Variants in ATP8A2 observed in about 807,000 individuals in gnomAD.
The protein encoded by ATP8A2 is phospholipid-transporting ATPase IB.
A neutral mutation model predicts 165.6 loss-of-function variants in ATP8A2; 100 were observed. That is an observed-to-expected ratio of 0.60 (90% CI 0.51 to 0.71). The LOEUF (loss-of-function observed/expected upper bound fraction) is 0.71, where lower values mean the gene tolerates loss of function less well. Among genes scored for constraint, ATP8A2 ranks in the 30% least tolerant of loss-of-function variants. The probability of loss-of-function intolerance (pLI) is 0.00; values close to 1 mark genes in which losing one functional copy is unlikely to be tolerated. For synonymous variants in ATP8A2, 543 were observed against 548.8 expected (o/e 0.99, Z 0.15); for missense variants, 1,227 against 1,479.5 (o/e 0.83, Z 2.80).
At chr13:25,421,714 G>A (rs1197490569) in intron 1 of ATP8A2, among the ~76,000 whole-genome samples, 3 of 152,206 alleles carry the variant, frequency 2.0e-5, no homozygotes, top group African/African-American at 4.8e-5. Flanking sequence ...ACTTGTACAG[G>A]ACTGGAAGTA....
intron 7 of ATP8A2, among the ~76,000 whole-genome samples, chr13:25,539,527 G>A (rs1323925184): frequency 1.3e-5 from 2 of 152,066 alleles, no homozygotes; most frequent in African/African-American, 2.4e-5. Flanking sequence ...ACCTGTTGAG[G>A]AGGTTGTCCC....
intron 25 of ATP8A2, among the ~76,000 whole-genome samples, chr13:25,742,827 C>A (rs1319287275): frequency 6.6e-6 from 1 of 152,024 alleles, no homozygotes; most frequent in Non-Finnish European, 1.5e-5. Flanking sequence ...AGTTTGTCAC[C>A]CCTTCGAGTC....
chr13:25,868,796 C>T (rs1952595676), intron 33 of ATP8A2, among the ~76,000 whole-genome samples: 1 of 151,994 alleles, frequency 6.6e-6, no homozygotes, highest in South Asian at 2.1e-4. Flanking sequence ...GAACCAAAAA[C>T]AAAACTATAG....
intron 33 of ATP8A2, among the ~76,000 whole-genome samples, chr13:25,959,152 A>C (rs1303850024): frequency 6.6e-6 from 1 of 152,228 alleles, no homozygotes; most frequent in Non-Finnish European, 1.5e-5. Flanking sequence ...TGCAGGCAGG[A>C]CAACAGGAGC....
intron 33 of ATP8A2, among the ~76,000 whole-genome samples, chr13:25,911,222 T>C (rs1000152512): frequency 2.0e-5 from 3 of 152,220 alleles, no homozygotes; most frequent in African/African-American, 7.2e-5. Flanking sequence ...CTTGCCAAGA[T>C]GACAAAAGAA....
At chr13:25,789,260 A>G (rs2045106340) in intron 27 of ATP8A2, among the ~76,000 whole-genome samples, 1 of 152,238 alleles carries the variant, frequency 6.6e-6, no homozygotes, top group South Asian at 2.1e-4. Context: ...AGAAGACAAA[A>G]CACAATAATG....
chr13:25,538,498 G>C (rs139147478), intron 7 of ATP8A2, among the ~76,000 whole-genome samples: 1 of 152,264 alleles, frequency 6.6e-6, no homozygotes, highest in African/African-American at 2.4e-5. Context: ...CAGCGTAATC[G>C]TGACCAGCAG....
chr13:25,998,520 G>A (rs77747363), intron 35 of ATP8A2, among the ~76,000 whole-genome samples: 269 of 152,254 alleles, frequency 1.8e-3, no homozygotes, highest in Non-Finnish European at 2.0e-3. Flanking sequence ...CCCCTTTCCT[G>A]TTCCTTTGTC....
intron 33 of ATP8A2, among the ~76,000 whole-genome samples, chr13:25,919,576 A>G (rs1954380675): frequency 6.6e-6 from 1 of 152,090 alleles, no homozygotes; most frequent in African/African-American, 2.4e-5. Context: ...AAGAGACTAC[A>G]GTGTCACTTT....
At chr13:25,642,624 A>G (rs2041558305) in intron 24 of ATP8A2, among the ~76,000 whole-genome samples, 1 of 152,238 alleles carries the variant, frequency 6.6e-6, no homozygotes, top group Non-Finnish European at 1.5e-5. Flanking sequence ...GAGAAATAGG[A>G]AGACTTTTAC....
chr13:25,899,468 A>G lies in ATP8A2; in HGVS notation c.3183+37060A>G, dbSNP rs533122913. Among the ~76,000 whole-genome samples, 28 of 152,326 alleles carry G rather than the reference A, an allele frequency of 1.8e-4. 1 individual carries two copies. Among genetic ancestry groups the G allele is most frequent in the African/African-American group, 6.7e-4 (28 of 41,574 alleles). On this transcript the variant is annotated intron_variant, in intron 33 of 36. Coordinates refer to ENST00000381655, the MANE Select transcript of ATP8A2 (RefSeq NM_016529.6). ...TGGTATACTCTCCTGAAAATATACT[A>G]TGGTTATACAGAGAATTACAATAGC...
At chr13:25,457,032 T>G (rs1351172829) in intron 1 of ATP8A2, among the ~76,000 whole-genome samples, 1 of 152,168 alleles carries the variant, frequency 6.6e-6, no homozygotes, top group Non-Finnish European at 1.5e-5. Context: ...AGTTTACAAA[T>G]TTGTGTAGGG....
At chr13:25,977,813 G>T (rs1428362632) in intron 35 of ATP8A2, among the ~76,000 whole-genome samples, 1 of 152,186 alleles carries the variant, frequency 6.6e-6, no homozygotes, top group African/African-American at 2.4e-5. Flanking sequence ...CGATGAAGAA[G>T]TGCAGCATCT....
intron 2 of ATP8A2, among the ~76,000 whole-genome samples, chr13:25,472,325 CAG>C (rs1264996100): frequency 6.8e-6 from 1 of 147,786 alleles, no homozygotes; most frequent in Non-Finnish European, 1.5e-5. Context: ...ATCCAGGAGG[CAG>C]AGATTGCAAT....
chr13:25,962,844 C>T (rs1426803986), intron 34 of ATP8A2, among the ~76,000 whole-genome samples: 1 of 152,032 alleles, frequency 6.6e-6, no homozygotes, highest in African/African-American at 2.4e-5. Flanking sequence ...TCTTGACAAC[C>T]GATGATACCT....
At chr13:25,761,163 A>C (rs1309074546) in intron 25 of ATP8A2, among the ~76,000 whole-genome samples, 1 of 152,206 alleles carries the variant, frequency 6.6e-6, no homozygotes, top group Non-Finnish European at 1.5e-5. Flanking sequence ...GATGTTATCA[A>C]AACATACATG....
In ATP8A2 at chr13:25,885,105, C is replaced by CTTTTT. The variant is rs869044168; in HGVS notation, c.3183+22717_3183+22721dup. ...AGAGTCAGTCTCCTTTCTCCGCTTG[C>CTTTTT]TTTTTTTTTTTTTTTTTTTTTTTTG... is the stretch of plus-strand genomic sequence containing the variant. On this transcript the variant is annotated intron_variant, in intron 33 of 36. Transcript: ENST00000381655. Among the ~76,000 whole-genome samples the CTTTTT allele has an allele frequency of 1.6e-3, 138 of 88,590 alleles. 2 individuals are homozygous for CTTTTT. Among genetic ancestry groups the CTTTTT allele is most frequent in the East Asian group, 4.2e-3 (11 of 2,608 alleles). The allele number at this position is 88,590 out of a possible 152,430, so 58.1% of individuals were successfully genotyped here.
intron 29 of ATP8A2, 114 bp from the exon 30 acceptor site, chr13:25,839,432 C>T: frequency 1.4e-6 from 1 of 707,282 alleles, no homozygotes; most frequent in East Asian, 2.6e-5. Flanking sequence ...TATGCTACTC[C>T]TGGAACCGTG....
intron 33 of ATP8A2, among the ~76,000 whole-genome samples, chr13:25,891,141 T>C (rs1384020966): frequency 2.0e-5 from 3 of 152,216 alleles, no homozygotes; most frequent in Non-Finnish European, 2.9e-5. Context: ...AGATTTACTT[T>C]TGTTTTAATA....
Sources: gnomAD v4.1 joint callset for allele counts (sites outside exome capture counted in the v4.1 genomes callset) on GRCh38, gnomAD v4.1.1 for gene constraint, MANE v1.5 for transcripts, NCBI Gene and HGNC (gene_info 2026-07-23, HGNC 2026-07-21) for gene names.